The following UXS1 variants were observed in gnomAD, a reference collection of about 807,000 sequenced individuals.
UXS1 encodes the protein UDP-glucuronate decarboxylase 1.
Under a neutral mutation model 62.6 loss-of-function variants are expected in UXS1, and 33 were observed. The ratio of observed to expected loss-of-function variants is 0.53; its 90% CI spans 0.40 to 0.70. The LOEUF (loss-of-function observed/expected upper bound fraction) is 0.70. Ranked by LOEUF, UXS1 falls within the 30% of genes least tolerant of loss-of-function variation. UXS1 has a pLI of 0.00. For synonymous variants in UXS1, 213 were observed against 206.8 expected, an observed-to-expected ratio of 1.03 and a Z score of -0.26; for missense variants, 434 against 556.3, an observed-to-expected ratio of 0.78 and a Z score of 2.21.
Position 106,145,172 on chromosome 2 carries a change from T to C in UXS1, c.472+18A>G, listed in dbSNP as rs759293855. The C allele has an allele frequency of 1.8e-5, 29 of 1,609,286 alleles. No individual in the cohort carries two copies. Among genetic ancestry groups the C allele is most frequent in the East Asian group, 6.7e-5 (3 of 44,788 alleles). On this transcript the variant is annotated intron_variant, in intron 6 of 14. Transcript: ENST00000283148. ...CCTGCGGAGCTCTGAATAATAACAA[T>C]GTGCAGTTTTCACTCACCCTCGATG...
chr2:106,112,927 T>C (rs1341828788), intron 9 of UXS1, among the ~76,000 whole-genome samples, 162 bp from the exon 10 acceptor site: 1 of 152,104 alleles, frequency 6.6e-6, no homozygotes, highest in East Asian at 1.9e-4. Context: ...GTGCTCATTA[T>C]AGACCAATCG....
At chr2:106,152,615 A>C (rs1346570967) in intron 5 of UXS1, among the ~76,000 whole-genome samples, 5 of 152,036 alleles carry the variant, frequency 3.3e-5, no homozygotes, top group Non-Finnish European at 5.9e-5. Flanking sequence ...AGAAGAGAAA[A>C]GAGGAAAGAA....
At chr2:106,171,021 G>A (rs972890754) in intron 1 of UXS1, among the ~76,000 whole-genome samples, 2 of 152,180 alleles carry the variant, frequency 1.3e-5, no homozygotes, top group Non-Finnish European at 2.9e-5. Flanking sequence ...TTCAGTTATT[G>A]ACAAAGGGCT....
intron 1 of UXS1, among the ~76,000 whole-genome samples, chr2:106,187,596 G>A (rs1004068534): frequency 2.0e-5 from 3 of 152,132 alleles, no homozygotes; most frequent in African/African-American, 7.2e-5. Flanking sequence ...CTTTCATATG[G>A]TTTTCAGGTT....
chr2:106,138,816 C>T, intron 6 of UXS1: 1 of 985,496 alleles, frequency 1.0e-6, no homozygotes, highest in African/African-American at 1.7e-5. Flanking sequence ...AAGTTTCCCA[C>T]CACCCCCCTC....
chr2:106,171,676 C>T lies in UXS1; in HGVS notation c.95-5593G>A, dbSNP rs190757680. Among the ~76,000 whole-genome samples, 68 of 152,338 alleles carry T rather than the reference C, an allele frequency of 4.5e-4. No individual in the cohort carries two copies. In the East Asian group the frequency reaches 0.013, roughly 28 times the overall value. On this transcript the variant is annotated intron_variant, in intron 1 of 14. Transcript: ENST00000283148. ...GATCTGGGTAGCAATTTCAATGGCCCTATTTCAAGTAATGTTACAAGGCTG... is the reference window on the plus strand; with the variant it reads ...GATCTGGGTAGCAATTTCAATGGCCTTATTTCAAGTAATGTTACAAGGCTG...
In UXS1 at chr2:106,094,819, G is replaced by A. The variant is rs76444036; in HGVS notation, c.1147-662C>T. 7.9e-5 allele frequency among the ~76,000 whole-genome samples: 12 copies of A among 152,358 alleles called. No individual in the cohort carries two copies. In the East Asian group the frequency reaches 2.3e-3, roughly 29 times the overall value. On this transcript the variant is annotated intron_variant, in intron 14 of 14. Transcript: ENST00000283148. Reference sequence around the variant, plus strand: ...AGGTGAAGGGAGGCACTGCTAAGGGGTGCTGGGGCACCACTGGGGGAGAAG... The same window carrying A: ...AGGTGAAGGGAGGCACTGCTAAGGGATGCTGGGGCACCACTGGGGGAGAAG...
rs368933779 is a variant in UXS1, at chr2:106,165,693, T to C, written c.122+363A>G. ...CTGAGGTCATGGGCCTGCCATGGCT[T>C]CCCGAAGACAGCTCCCTTCTCAGAA... is the stretch of plus-strand genomic sequence containing the variant. On this transcript the variant is annotated intron_variant, in intron 2 of 14. Transcript: ENST00000283148. 3.9e-5 allele frequency among the ~76,000 whole-genome samples: 6 copies of C among 152,148 alleles called. No individual in the cohort carries two copies. In the South Asian group the frequency reaches 1.0e-3, roughly 26 times the overall value.
At chr2:106,183,562 G>A (rs1684377665) in intron 1 of UXS1, 1 of 152,132 alleles carries the variant, frequency 6.6e-6, no homozygotes, top group South Asian at 2.1e-4. Flanking sequence ...TTCACTCTTG[G>A]CCCTTCTAAA....
At chr2:106,107,617 C>A (rs1263440016) in intron 10 of UXS1, among the ~76,000 whole-genome samples, 1 of 152,242 alleles carries the variant, frequency 6.6e-6, no homozygotes, top group African/African-American at 2.4e-5. Flanking sequence ...CATTCAGCAG[C>A]TTGAATATCA....
At position 106,120,312 on chromosome 2, in the gene UXS1, A is replaced by C. The variant is rs113346461; in HGVS notation, c.759+2658T>G. ...GTCACGTCATTCCTTCCTCATCAGG[A>C]AACTACAACCTCCTCCTGTCTGCCT... is the stretch of plus-strand genomic sequence containing the variant. On this transcript the variant is annotated intron_variant, in intron 9 of 14. Coordinates refer to ENST00000283148, the MANE Select transcript of UXS1 (RefSeq NM_001253875.2). Among the ~76,000 whole-genome samples, 488 of 152,284 alleles carry C rather than the reference A, an allele frequency of 3.2e-3. 7 individuals carry two copies. The highest frequency in any genetic ancestry group is 0.012 in the African/African-American group (479 of 41,544).
chr2:106,097,974 G>T (rs1031682011), intron 13 of UXS1, among the ~76,000 whole-genome samples: 1 of 152,252 alleles, frequency 6.6e-6, no homozygotes, highest in East Asian at 1.9e-4. Flanking sequence ...GCAGCCTGAT[G>T]CCAGGAAGGG....
chr2:106,182,071 G>A (rs181077687), intron 1 of UXS1, among the ~76,000 whole-genome samples: 36 of 152,282 alleles, frequency 2.4e-4, no homozygotes, highest in East Asian at 1.7e-3. Context: ...GAATGAATGC[G>A]AAAGAGAAAT....
chr2:106,096,237 T>C (rs1369084151), intron 14 of UXS1, among the ~76,000 whole-genome samples: 1 of 152,114 alleles, frequency 6.6e-6, no homozygotes, highest in Non-Finnish European at 1.5e-5. Context: ...TATGTGTGAA[T>C]GTGAGTGTGG....
intron 11 of UXS1, chr2:106,101,578 T>A (rs1372094248): frequency 6.5e-6 from 1 of 154,770 alleles, no homozygotes; most frequent in Non-Finnish European, 1.4e-5. Flanking sequence ...TCCACGGAAA[T>A]GAACGAACTC....
intron 9 of UXS1, among the ~76,000 whole-genome samples, chr2:106,116,504 C>T (rs373249811): frequency 6.6e-6 from 1 of 152,212 alleles, no homozygotes; most frequent in East Asian, 1.9e-4. Context: ...ATCAAGGGCT[C>T]TTCCATGCAA....
chr2:106,173,280 G>T (rs902737946), intron 1 of UXS1, among the ~76,000 whole-genome samples: 8 of 152,206 alleles, frequency 5.3e-5, no homozygotes, highest in Non-Finnish European at 4.4e-5. Context: ...GAAAACTGTA[G>T]GCTGGGTGTG....
At chr2:106,161,955 T>A (rs1249573670) in intron 4 of UXS1, among the ~76,000 whole-genome samples, 3 of 152,230 alleles carry the variant, frequency 2.0e-5, no homozygotes, top group African/African-American at 7.2e-5. Context: ...CAAGTAAACC[T>A]ATTTCCAGTT....
At chr2:106,162,038 C>T (rs977442126) in intron 4 of UXS1, among the ~76,000 whole-genome samples, 1 of 152,132 alleles carries the variant, frequency 6.6e-6, no homozygotes, top group African/African-American at 2.4e-5. Context: ...GAAAAGTAAG[C>T]TAGACGGAGT....
Sources: gnomAD v4.1 joint callset for allele counts (sites outside exome capture counted in the v4.1 genomes callset) on GRCh38, gnomAD v4.1.1 for gene constraint, MANE v1.5 for transcripts, NCBI Gene and HGNC (gene_info 2026-07-23, HGNC 2026-07-21) for gene names.